Variants in FBN1 observed in about 807,000 individuals in gnomAD.
The protein encoded by FBN1 is fibrillin-1.
A neutral mutation model predicts 365.1 loss-of-function variants in FBN1; 29 were observed. The ratio of observed to expected loss-of-function variants is 0.08; its 90% CI spans 0.06 to 0.11. The LOEUF (loss-of-function observed/expected upper bound fraction) is 0.11. Among genes scored for constraint, FBN1 ranks in the 10% least tolerant of loss-of-function variants. The pLI is 1.00. For missense variants in FBN1, 2,476 were observed against 3,703.2 expected (o/e 0.67, Z 8.60); for synonymous variants, 1,210 against 1,270.5 (o/e 0.95, Z 1.01).
intron 2 of FBN1, among the ~76,000 whole-genome samples, chr15:48,640,624 G>A (rs1274876458): frequency 6.6e-6 from 1 of 151,938 alleles, no homozygotes; most frequent in African/African-American, 2.4e-5. Context: ...CAAGACCTCT[G>A]GAAAAAAATA....
At chr15:48,470,854 A>G (rs1827175202) in intron 35 of FBN1, 98 bp from the exon 36 acceptor site, 1 of 1,354,114 alleles carries the variant, frequency 7.4e-7, no homozygotes, top group African/African-American at 1.5e-5. Context: ...TACTAAGAAA[A>G]TGCAGAGTAT....
chr15:48,460,027 C>T (rs1182552210), intron 43 of FBN1, among the ~76,000 whole-genome samples: 1 of 152,202 alleles, frequency 6.6e-6, no homozygotes, highest in African/African-American at 2.4e-5. Context: ...GAAAAGCTTT[C>T]CAATCCCCTT....
chr15:48,455,408 C>T (rs2043231301), intron 44 of FBN1, among the ~76,000 whole-genome samples: 1 of 152,092 alleles, frequency 6.6e-6, no homozygotes, highest in South Asian at 2.1e-4. Flanking sequence ...TACCTGGGTA[C>T]AGTCATCATC....
At chr15:48,530,498 G>C (rs2141349195) in intron 8 of FBN1, among the ~76,000 whole-genome samples, 1 of 152,122 alleles carries the variant, frequency 6.6e-6, no homozygotes, top group Middle Eastern at 3.4e-3. Flanking sequence ...TTGACCACGG[G>C]GCATCAAGGA....
intron 3 of FBN1, among the ~76,000 whole-genome samples, chr15:48,611,825 A>G (rs993043250): frequency 1.3e-5 from 2 of 152,240 alleles, no homozygotes; most frequent in East Asian, 1.9e-4. Context: ...ACTTTTCGTC[A>G]TGACAGGCAT....
chr15:48,490,751 A>G (rs1481522080), intron 24 of FBN1, among the ~76,000 whole-genome samples: 1 of 152,256 alleles, frequency 6.6e-6, no homozygotes, highest in African/African-American at 2.4e-5. Flanking sequence ...AGCAGAGGTC[A>G]GAAGAGCTGG....
At chr15:48,630,503 T>C (rs1889964021) in intron 2 of FBN1, among the ~76,000 whole-genome samples, 1 of 152,158 alleles carries the variant, frequency 6.6e-6, no homozygotes, top group Admixed American at 6.5e-5. Context: ...AGTTCAATAA[T>C]GTCTGGATTA....
chr15:48,623,460 G>C (rs1217276481), intron 2 of FBN1, among the ~76,000 whole-genome samples: 1 of 152,076 alleles, frequency 6.6e-6, no homozygotes, highest in Non-Finnish European at 1.5e-5. Flanking sequence ...ATTTTCCTTT[G>C]AGAAAATACA....
chr15:48,449,128 C>T (rs1194488728), intron 45 of FBN1, among the ~76,000 whole-genome samples: 1 of 152,054 alleles, frequency 6.6e-6, no homozygotes, highest in Non-Finnish European at 1.5e-5. Flanking sequence ...AAAAAATATT[C>T]TGAAAGATGA....
At chr15:48,558,476 C>G (rs1309822833) in intron 6 of FBN1, among the ~76,000 whole-genome samples, 1 of 152,160 alleles carries the variant, frequency 6.6e-6, no homozygotes, top group African/African-American at 2.4e-5. Context: ...CATCTTACAG[C>G]CCAGTCAAGC....
intron 60 of FBN1, among the ~76,000 whole-genome samples, chr15:48,422,827 T>A (rs1477789744): frequency 6.6e-6 from 1 of 151,988 alleles, no homozygotes; most frequent in Non-Finnish European, 1.5e-5. Flanking sequence ...GGTGTGGTGG[T>A]GTGTGCATGT....
At chr15:48,565,352 G>C (rs930465380) in intron 6 of FBN1, among the ~76,000 whole-genome samples, 1 of 151,852 alleles carries the variant, frequency 6.6e-6, no homozygotes, top group African/African-American at 2.4e-5. Context: ...ACATTCAAAA[G>C]ACACAAAAAA....
At chr15:48,590,711 A>G (rs148675899) in intron 6 of FBN1, among the ~76,000 whole-genome samples, 2 of 152,374 alleles carry the variant, frequency 1.3e-5, no homozygotes, top group African/African-American at 4.8e-5. Context: ...AAGTACCTGC[A>G]TGAAGAGCTA....
At chr15:48,599,168 C>T (rs2044539996) in intron 5 of FBN1, among the ~76,000 whole-genome samples, 1 of 152,124 alleles carries the variant, frequency 6.6e-6, no homozygotes, top group Non-Finnish European at 1.5e-5. Context: ...AGGGCATTCT[C>T]TACATTTTTG....
At chr15:48,540,391 A>C (rs1293378605) in intron 6 of FBN1, among the ~76,000 whole-genome samples, 1 of 152,124 alleles carries the variant, frequency 6.6e-6, no homozygotes, top group Non-Finnish European at 1.5e-5. Flanking sequence ...TTATACTAAA[A>C]ATATACTTTT....
At chr15:48,496,312 C>A in intron 19 of FBN1, 87 bp from the exon 20 acceptor site, 1 of 1,544,014 alleles carries the variant, frequency 6.5e-7, no homozygotes, top group South Asian at 1.1e-5. Context: ...TCTTTAAAGT[C>A]ATAACGACGT....
chr15:48,596,496 T>C (rs2044517141), intron 5 of FBN1, 118 bp from the exon 6 acceptor site: 2 of 931,380 alleles, frequency 2.1e-6, no homozygotes, highest in South Asian at 2.7e-5. Context: ...GGTGTTTGTT[T>C]TGGACGGTCA....
chr15:48,516,948 A>G (rs1197733319), intron 10 of FBN1, among the ~76,000 whole-genome samples: 1 of 152,156 alleles, frequency 6.6e-6, no homozygotes, highest in Non-Finnish European at 1.5e-5. Flanking sequence ...TTAGAGATAA[A>G]TGTGTAGTGT....
At chr15:48,536,000 A>AG (rs1228609954) in intron 7 of FBN1, among the ~76,000 whole-genome samples, 1 of 152,208 alleles carries the variant, frequency 6.6e-6, no homozygotes, top group Non-Finnish European at 1.5e-5. Flanking sequence ...CCAGGTCTGA[A>AG]GACAGAATAA....
Sources: allele counts gnomAD v4.1 joint callset (sites outside exome capture counted in the v4.1 genomes callset), GRCh38; gene constraint gnomAD v4.1.1; transcripts MANE v1.5; gene names NCBI Gene and HGNC (gene_info 2026-07-23, HGNC 2026-07-21).